The following ENPEP variants were observed in gnomAD, a reference collection of about 807,000 sequenced individuals.
ENPEP encodes the protein glutamyl aminopeptidase, also known as AP-A.
A neutral mutation model predicts 114.5 loss-of-function variants in ENPEP; 103 were observed. The ratio of observed to expected loss-of-function variants is 0.90; its 90% CI spans 0.77 to 1.06. ENPEP has a LOEUF of 1.06. Among genes scored for constraint, ENPEP ranks in the 50% least tolerant of loss-of-function variants. The pLI is 0.00. For synonymous variants in ENPEP, 420 were observed against 422.0 expected (o/e 1.00, Z 0.06); for missense variants, 1,196 against 1,161.3 (o/e 1.03, Z -0.43).
intron 3 of ENPEP, among the ~76,000 whole-genome samples, chr4:110,503,689 A>G (rs77500710): frequency 0.026 from 3,880 of 152,118 alleles, 162 homozygotes; most frequent in African/African-American, 0.088. Context: ...CTTTCCCTCA[A>G]CTGTGGTGGC....
intron 3 of ENPEP, among the ~76,000 whole-genome samples, chr4:110,500,792 G>A (rs1725125454): frequency 6.6e-6 from 1 of 152,080 alleles, no homozygotes; most frequent in South Asian, 2.1e-4. Flanking sequence ...TAATGATGAC[G>A]AGTCAGGGGT....
chr4:110,549,932 TTA>T, intron 17 of ENPEP, 46 bp downstream of exon 17: 1 of 1,494,596 alleles, frequency 6.7e-7, no homozygotes, highest in Non-Finnish European at 9.0e-7. Flanking sequence ...ATTTAATAGT[TTA>T]TGTGTCACAG....
chr4:110,510,090 T>A (rs1042813812), intron 5 of ENPEP, among the ~76,000 whole-genome samples, 155 bp from the exon 6 acceptor site: 2 of 152,216 alleles, frequency 1.3e-5, no homozygotes, highest in Non-Finnish European at 1.5e-5. Flanking sequence ...ATTTAAATAA[T>A]CAGAATAAAG....
chr4:110,545,695 G>A (rs139430070), intron 13 of ENPEP, among the ~76,000 whole-genome samples: 1 of 152,012 alleles, frequency 6.6e-6, no homozygotes, highest in Non-Finnish European at 1.5e-5. Context: ...TTTTTTCCTT[G>A]TGTTGTGTTT....
intron 1 of ENPEP, among the ~76,000 whole-genome samples, chr4:110,480,513 C>T (rs536995413): frequency 1.4e-4 from 21 of 152,198 alleles, no homozygotes; most frequent in African/African-American, 4.6e-4. Flanking sequence ...ATTTGAAGTA[C>T]GGAGTCAAAA....
rs1724117993 is a variant in ENPEP at position 110,476,708 on chromosome 4, C to T, written c.294C>T (p.Asn98=). The T allele has an allele frequency of 1.9e-6, 3 of 1,613,822 alleles. No homozygotes were observed. The highest frequency in any genetic ancestry group is 2.5e-6 in the Non-Finnish European group (3 of 1,180,054). The change falls in exon 1 of 20, where the codon AAC becomes AAT. Residue 98 remains asparagine (N), a synonymous_variant. Coordinates refer to ENST00000265162, the MANE Select transcript of ENPEP (RefSeq NM_001977.4). ...WKNFRLPDFV[N]PVHYDLHVKP... is the part of the protein sequence containing the mutation. ...ACTTTCGACTGCCGGACTTCGTCAA[C>T]CCAGTCCACTACGACCTGCACGTGA...
chr4:110,500,304 G>T (rs1023000892), intron 3 of ENPEP: 1 of 152,122 alleles, frequency 6.6e-6, no homozygotes, highest in African/African-American at 2.4e-5. Flanking sequence ...AAAAGCAAAA[G>T]CTATGTTAAA....
At chr4:110,534,602 G>T (rs1300833678) in intron 11 of ENPEP, among the ~76,000 whole-genome samples, 1 of 136,682 alleles carries the variant, frequency 7.3e-6, no homozygotes, top group Non-Finnish European at 1.5e-5. Flanking sequence ...CCGCCCCCTG[G>T]GTTCAAGTGA....
At position 110,509,768 on chromosome 4, in the gene ENPEP, G is replaced by A; in HGVS notation, c.1155G>A (p.Gln385=). 1 of 1,614,168 alleles carries A rather than the reference G, an allele frequency of 6.2e-7. No individual in the cohort carries two copies. ...DPKESASSNQ[Q]RVATVVAHEL... ...AGGAATCAGCCTCATCAAACCAACA[G>A]AGGGTGGCCACTGTGGTTGCCCATG... Residue 385 remains glutamine (Q), a synonymous_variant, in exon 5 of 20, where the codon CAG becomes CAA. Coordinates refer to ENST00000265162, the MANE Select transcript of ENPEP (RefSeq NM_001977.4).
chr4:110,501,359 T>G (rs994570199), intron 3 of ENPEP, among the ~76,000 whole-genome samples: 14 of 152,172 alleles, frequency 9.2e-5, no homozygotes, highest in African/African-American at 3.4e-4. Flanking sequence ...CATAGGGGTT[T>G]GGTGTACAGA....
At chr4:110,516,929 A>G (rs1200045199) in intron 8 of ENPEP, among the ~76,000 whole-genome samples, 4 of 151,906 alleles carry the variant, frequency 2.6e-5, no homozygotes, top group Non-Finnish European at 5.9e-5. Flanking sequence ...ATATTCCCTC[A>G]CTGTAAGCAT....
intron 11 of ENPEP, among the ~76,000 whole-genome samples, chr4:110,536,568 G>A (rs185754044): frequency 6.6e-6 from 1 of 152,312 alleles, no homozygotes; most frequent in Non-Finnish European, 1.5e-5. Flanking sequence ...AGGAAGAAAA[G>A]GGAACTGTGT....
At position 110,494,169 on chromosome 4, in the gene ENPEP, T is replaced by C. The variant is rs144608614; in HGVS notation, c.918+3005T>C. On this transcript the variant is annotated intron_variant, in intron 3 of 19. Coordinates refer to ENST00000265162, the MANE Select transcript of ENPEP (RefSeq NM_001977.4). The stretch of plus-strand genomic sequence containing the variant: ...AGAACGTGATTTCCAAAGCATGGCT[T>C]GGGTCTGATCCCCAGGAACCTGTTT... Among the ~76,000 whole-genome samples, 48 of 152,354 alleles carry C rather than the reference T, an allele frequency of 3.2e-4. 1 individual carries two copies. The highest frequency in any genetic ancestry group is 1.1e-3 in the African/African-American group (45 of 41,576).
chr4:110,532,997 A>G (rs671841), intron 11 of ENPEP: 396,304 of 398,518 alleles, frequency 0.99, 197,081 homozygotes, highest in East Asian at 1. Flanking sequence ...CTGGTAAAAG[A>G]CATAATAAGA....
intron 18 of ENPEP, among the ~76,000 whole-genome samples, chr4:110,553,973 G>T (rs1298804939): frequency 6.6e-6 from 1 of 151,904 alleles, no homozygotes; most frequent in Non-Finnish European, 1.5e-5. Context: ...CTTTTAAAAT[G>T]GGAAATAGCA....
rs188203474 is a variant in ENPEP at position 110,517,193 on chromosome 4, G to A, written c.1509+1751G>A. Among the ~76,000 whole-genome samples the A allele has an allele frequency of 6.0e-3, 915 of 152,126 alleles. 8 individuals are homozygous for A. The highest frequency in any genetic ancestry group is 7.3e-3 in the Non-Finnish European group (494 of 68,000). ...GAGCTCAAGAGATCCGCCCGCCTCGGCCTCCCAAAGTGCTGGGATTACAGC... is the reference window on the plus strand; with the variant it reads ...GAGCTCAAGAGATCCGCCCGCCTCGACCTCCCAAAGTGCTGGGATTACAGC... On this transcript the variant is annotated intron_variant, in intron 8 of 19. Coordinates refer to ENST00000265162, the MANE Select transcript of ENPEP (RefSeq NM_001977.4).
rs551689195 is a variant in ENPEP, at chr4:110,489,210, GA to G, written c.786+540del. ...GGGAAGTGCTTGTTAAATGTCTGGAGAAAAAAAAAAAACAGGCTATAAAAAA... is the reference window on the plus strand; with the variant it reads ...GGGAAGTGCTTGTTAAATGTCTGGAGAAAAAAAAAAACAGGCTATAAAAAA... On this transcript the variant is annotated intron_variant, in intron 2 of 19. Transcript: ENST00000265162. Among the ~76,000 whole-genome samples, 881 of 135,898 alleles carry G rather than the reference GA, an allele frequency of 6.5e-3. 10 individuals carry two copies. Among genetic ancestry groups the G allele is most frequent in the South Asian group, 0.018 (75 of 4,260 alleles). 89.2% of individuals were successfully genotyped at this position (135,898 alleles called of 152,430 possible).
intron 11 of ENPEP, among the ~76,000 whole-genome samples, chr4:110,542,037 C>A (rs566461255): frequency 6.6e-6 from 1 of 152,190 alleles, no homozygotes; most frequent in Middle Eastern, 3.4e-3. Flanking sequence ...AGAAAGAATG[C>A]TAATTTGATA....
intron 1 of ENPEP, among the ~76,000 whole-genome samples, chr4:110,477,556 T>G (rs1213215206): frequency 6.6e-6 from 1 of 152,146 alleles, no homozygotes; most frequent in African/African-American, 2.4e-5. Flanking sequence ...AGAGAGACAT[T>G]GAAAAATCAC....
Sources: gnomAD v4.1 joint callset for allele counts (sites outside exome capture counted in the v4.1 genomes callset) on GRCh38, gnomAD v4.1.1 for gene constraint, MANE v1.5 for transcripts, NCBI Gene and HGNC (gene_info 2026-07-23, HGNC 2026-07-21) for gene names.